COL5A2: variants seen among roughly 807,000 people sequenced by gnomAD.
COL5A2 encodes the protein collagen alpha-2(V) chain.
COL5A2 carries 23 observed loss-of-function variants against 208.2 expected under a neutral mutation model. The ratio of observed to expected loss-of-function variants is 0.11; its 90% CI spans 0.08 to 0.16. The LOEUF is 0.16. Ranked by LOEUF, COL5A2 falls within the 10% of genes least tolerant of loss-of-function variation. The pLI is 1.00. For missense variants in COL5A2, 1,590 were observed against 1,956.4 expected (o/e 0.81, Z 3.53); for synonymous variants, 625 against 628.5 (o/e 0.99, Z 0.08).
intron 1 of COL5A2, among the ~76,000 whole-genome samples, chr2:189,116,976 G>A (rs1687404892): frequency 6.6e-6 from 1 of 152,164 alleles, no homozygotes; most frequent in African/African-American, 2.4e-5. Flanking sequence ...TGTCTGTGAA[G>A]GTGGTTGGTT....
chr2:189,034,111 G>C lies in COL5A2; in HGVS notation c.4459C>G (p.Gln1487Glu). 2 of 1,613,988 alleles carry C rather than the reference G, an allele frequency of 1.2e-6. No homozygotes were observed. Among genetic ancestry groups the C allele is most frequent in the Non-Finnish European group, 1.7e-6 (2 of 1,179,924 alleles). ...LAPVDVGGTD[Q>E]EFGVEIGPVC... is the part of the protein sequence containing the mutation. ...GGCCCAATTTCAACGCCGAATTCCT[G>C]GTCTGTGCCGCCAACATCCACAGGA... The change falls in exon 54 of 54, where the codon CAG becomes GAG. Residue 1487 changes from glutamine (Q) to glutamate (E), a missense_variant. Coordinates refer to ENST00000374866, the MANE Select transcript of COL5A2 (RefSeq NM_000393.5).
At chr2:189,054,138 A>C in intron 36 of COL5A2, 21 bp downstream of exon 36, 1 of 1,611,220 alleles carries the variant, frequency 6.2e-7, no homozygotes, top group Non-Finnish European at 8.5e-7. Context: ...TGAGTGTACA[A>C]ATTAACAACT....
At chr2:189,118,833 G>A (rs1485789747) in intron 1 of COL5A2, among the ~76,000 whole-genome samples, 1 of 151,806 alleles carries the variant, frequency 6.6e-6, no homozygotes, top group Non-Finnish European at 1.5e-5. Context: ...CTATTTTCTA[G>A]CTATTAAAAA....
At chr2:189,141,669 T>C (rs1687937734) in intron 1 of COL5A2, among the ~76,000 whole-genome samples, 1 of 152,210 alleles carries the variant, frequency 6.6e-6, no homozygotes, top group Admixed American at 6.5e-5. Context: ...CCCGAATTCT[T>C]GAAATTTACT....
chr2:189,425,520 T>A, the COL5A2 span, among the ~76,000 whole-genome samples: 1 of 152,136 alleles, frequency 6.6e-6, no homozygotes, highest in Non-Finnish European at 1.5e-5. Flanking sequence ...AGCCATAAAA[T>A]AAGAATAAAA....
At chr2:189,255,993 C>G in the COL5A2 span, among the ~76,000 whole-genome samples, 1 of 152,054 alleles carries the variant, frequency 6.6e-6, no homozygotes, top group Admixed American at 6.6e-5. Flanking sequence ...ATGGAACGGC[C>G]AGAGGACGTG....
the COL5A2 span, among the ~76,000 whole-genome samples, chr2:189,319,242 C>T: frequency 4.0e-5 from 6 of 151,882 alleles, no homozygotes; most frequent in African/African-American, 9.7e-5. Flanking sequence ...GCGTGAGCGG[C>T]GCAGAAGATG....
At chr2:189,251,494 G>A in the COL5A2 span, among the ~76,000 whole-genome samples, 4 of 152,032 alleles carry the variant, frequency 2.6e-5, no homozygotes, top group African/African-American at 9.7e-5. Flanking sequence ...CCATCGTGAT[G>A]GGTTATTTCC....
the COL5A2 span, among the ~76,000 whole-genome samples, chr2:189,424,272 C>G: frequency 2.0e-5 from 3 of 152,040 alleles, no homozygotes; most frequent in East Asian, 1.9e-4. Context: ...ATACCTGGAA[C>G]AAGACAAACA....
At chr2:189,353,654 G>A in the COL5A2 span, among the ~76,000 whole-genome samples, 11 of 151,978 alleles carry the variant, frequency 7.2e-5, no homozygotes, top group East Asian at 3.9e-4. Flanking sequence ...TACTGAGACC[G>A]CTGAAGGTGC....
chr2:189,139,279 A>G (rs1687888260), intron 1 of COL5A2, among the ~76,000 whole-genome samples: 1 of 152,214 alleles, frequency 6.6e-6, no homozygotes, highest in Admixed American at 6.5e-5. Context: ...CCCTCTCAAA[A>G]ATAAATAAAT....
the COL5A2 span, among the ~76,000 whole-genome samples, chr2:189,269,287 A>C: frequency 6.6e-6 from 1 of 151,900 alleles, no homozygotes; most frequent in Non-Finnish European, 1.5e-5. Context: ...AGAACTTCCA[A>C]TACTATATTG....
intron 15 of COL5A2, 99 bp from the exon 16 acceptor site, chr2:189,078,668 G>A: frequency 1.0e-6 from 1 of 994,640 alleles, no homozygotes; most frequent in Non-Finnish European, 1.6e-6. Context: ...CAAGATAATT[G>A]GCCACCAAGC....
upstream of COL5A2, among the ~76,000 whole-genome samples, chr2:189,181,289 T>G (rs1688775943): frequency 6.6e-6 from 1 of 152,192 alleles, no homozygotes; most frequent in Non-Finnish European, 1.5e-5. Flanking sequence ...TCTAACCCTG[T>G]ACCTCTCAGT....
At chr2:189,112,520 T>C (rs1687304577) in intron 1 of COL5A2, among the ~76,000 whole-genome samples, 1 of 152,208 alleles carries the variant, frequency 6.6e-6, no homozygotes, top group Non-Finnish European at 1.5e-5. Context: ...TTTTGCTTTA[T>C]GTATTTAGTC....
intron 1 of COL5A2, among the ~76,000 whole-genome samples, chr2:189,174,962 T>C (rs1688648681): frequency 6.6e-6 from 1 of 152,204 alleles, no homozygotes; most frequent in Non-Finnish European, 1.5e-5. Flanking sequence ...TGCCATTCAG[T>C]CTTCTTGGCT....
chr2:189,242,576 A>T, the COL5A2 span, among the ~76,000 whole-genome samples: 2 of 152,168 alleles, frequency 1.3e-5, no homozygotes, highest in Non-Finnish European at 2.9e-5. Flanking sequence ...AACCCTATCC[A>T]TTCTTCATGG....
the COL5A2 span, among the ~76,000 whole-genome samples, chr2:189,259,189 G>GA: frequency 2.0e-5 from 3 of 152,024 alleles, no homozygotes; most frequent in African/African-American, 4.8e-5. Flanking sequence ...GCTACTGAAA[G>GA]AAAAAAATGC....
At chr2:189,077,574 G>C (rs1285907799) in intron 16 of COL5A2, among the ~76,000 whole-genome samples, 1 of 152,154 alleles carries the variant, frequency 6.6e-6, no homozygotes, top group Non-Finnish European at 1.5e-5. Flanking sequence ...AGAGAAGTAA[G>C]CATACTATAT....
Sources: allele counts gnomAD v4.1 joint callset (sites outside exome capture counted in the v4.1 genomes callset), GRCh38; gene constraint gnomAD v4.1.1; transcripts MANE v1.5; gene names NCBI Gene and HGNC (gene_info 2026-07-23, HGNC 2026-07-21).